AQP3: variants seen among roughly 807,000 people sequenced by gnomAD.
The protein encoded by AQP3 is aquaporin 3 (Gill blood group).
AQP3 carries 15 observed loss-of-function variants against 30.3 expected under a neutral mutation model. The observed-to-expected ratio is 0.49, with a 90% confidence interval of 0.33 to 0.76. The LOEUF (loss-of-function observed/expected upper bound fraction) is 0.76, where lower values mean the gene tolerates loss of function less well. AQP3 is among the 30% of genes least tolerant of loss of function. The pLI, the probability that AQP3 is intolerant of heterozygous loss-of-function variation, is 0.02. For missense variants in AQP3, 272 were observed against 384.8 expected (o/e 0.71, Z 2.45); for synonymous variants, 153 against 163.2 (o/e 0.94, Z 0.47).
rs186112815 is a variant in AQP3, at chr9:33,443,572, A to G, written c.236-114T>C. On this transcript the variant is annotated intron_variant, in intron 2 of 5. Coordinates refer to ENST00000297991, the MANE Select transcript of AQP3 (RefSeq NM_004925.5). This position sits in a 1 kb window ranked among gnomAD's most constrained non-coding sequence, Gnocchi z 5.0. ...TCTTGCACAGGATGGCGGTTGGTCT[A>G]TGTAACAGGTCAGCTGATAATCTCT... 19 of 1,473,986 alleles carry G rather than the reference A, an allele frequency of 1.3e-5. No homozygotes were observed. The East Asian group carries it at 1.9e-4, about 15-fold the overall frequency. The allele number at this position is 1,473,986 out of a possible 1,614,324, so 91.3% of individuals were successfully genotyped here. A position where few individuals can be genotyped will look rare whatever the true frequency, so the allele number is the denominator to read the frequency against.
Position 33,441,803 on chromosome 9 carries a change from C to T in AQP3, c.*240G>A. On this transcript the variant is annotated 3_prime_UTR_variant, in exon 6 of 6. Coordinates refer to ENST00000297991, the MANE Select transcript of AQP3 (RefSeq NM_004925.5). ...CTGCCCATTCTCTTCCCTTGGGAGA[C>T]AAAAGGATGTATTGACCCAAATTCC... 1 of 627,260 alleles carries T rather than the reference C, an allele frequency of 1.6e-6. No homozygotes were observed. The allele number at this position is 627,260 out of a possible 1,614,324, so 38.9% of individuals were successfully genotyped here. A position where few individuals can be genotyped will look rare whatever the true frequency, so the allele number is the denominator to read the frequency against.
At position 33,445,719 on chromosome 9, in the gene AQP3, G is replaced by C. The variant is rs573656394; in HGVS notation, c.108+1704C>G. ...CTGCCCTGAGTTCTCGGCCAGCACC[G>C]CCCCCTGCCCTCACACCAGGTATCT... On this transcript the variant is annotated intron_variant, in intron 1 of 5. Coordinates refer to ENST00000297991, the MANE Select transcript of AQP3 (RefSeq NM_004925.5). Among the ~76,000 whole-genome samples, 147 of 152,022 alleles carry C rather than the reference G, an allele frequency of 9.7e-4. 1 individual carries two copies. Among genetic ancestry groups the C allele is most frequent in the Admixed American group, 1.6e-3 (24 of 15,264 alleles).
rs1826867131 is a variant in AQP3 at position 33,443,280 on chromosome 9, G to A, written c.373+41C>T. ...TGGTGCCAGCAGGTCCTGAACAGAGGGACGGGGGTAGTGGAGGAGGACAGG... is the reference window on the plus strand; with the variant it reads ...TGGTGCCAGCAGGTCCTGAACAGAGAGACGGGGGTAGTGGAGGAGGACAGG... On this transcript the variant is annotated intron_variant, in intron 3 of 5. Coordinates refer to ENST00000297991, the MANE Select transcript of AQP3 (RefSeq NM_004925.5). The surrounding 1 kb of genome is among the most constrained non-coding windows in gnomAD (Gnocchi z 5.0). 1.3e-6 allele frequency: 2 copies of A among 1,562,092 alleles called. No individual in the cohort carries two copies. The highest frequency in any genetic ancestry group is 1.7e-6 in the Non-Finnish European group (2 of 1,152,754).
chr9:33,443,317 T>G lies in AQP3; in HGVS notation c.373+4A>C, dbSNP rs1826868128. 6.3e-7 allele frequency: 1 copy of G among 1,577,278 alleles called. No homozygotes were observed. The highest frequency in any genetic ancestry group is 1.8e-5 in the Admixed American group (1 of 54,350). On this transcript the variant is annotated splice_donor_region_variant and intron_variant, in intron 3 of 5. Transcript: ENST00000297991. This position sits in a 1 kb window ranked among gnomAD's most constrained non-coding sequence, Gnocchi z 5.0. ...TGGAGGAGGACAGGGTGGGGAATGC[T>G]TACCATAATACAGCCCAAAAACTAT... is the stretch of plus-strand genomic sequence containing the variant.
intron 1 of AQP3, 132 bp downstream of exon 1, chr9:33,447,291 G>T: frequency 1.2e-6 from 1 of 805,644 alleles, no homozygotes; most frequent in Non-Finnish European, 2.1e-6. Context: ...ATCCTCCGCG[G>T]TTAAGCGTGG....
rs756412132 is a variant in AQP3, at chr9:33,443,842, G to A, written c.159C>T (p.His53=). 27 of 1,613,944 alleles carry A rather than the reference G, an allele frequency of 1.7e-5. No homozygotes were observed. The highest frequency in any genetic ancestry group is 6.6e-5 in the South Asian group (6 of 91,062). The change falls in exon 2 of 6, where the codon CAC becomes CAT. Residue 53 remains histidine, a synonymous_variant. Coordinates refer to ENST00000297991, the MANE Select transcript of AQP3 (RefSeq NM_004925.5). The surrounding 1 kb of genome is among the most constrained non-coding windows in gnomAD (Gnocchi z 5.0). The stretch of plus-strand genomic sequence containing the variant: ...CCAGGTTGATGGTGAGGAAACCACC[G>A]TGGGTGCCCCGGCTGAGCACAACCT... ...VAQVVLSRGT[H]GGFLTINLAF...
chr9:33,446,145 G>T (rs766529241), intron 1 of AQP3, among the ~76,000 whole-genome samples: 7 of 152,172 alleles, frequency 4.6e-5, no homozygotes, highest in Non-Finnish European at 1.0e-4. Context: ...TCAGGACTCC[G>T]ATAGGAGTGA....
In AQP3 at chr9:33,443,456, C is replaced by A. The variant is rs781532774; in HGVS notation, c.238G>T (p.Ala80Ser). The A allele has an allele frequency of 6.2e-7, 1 of 1,611,646 alleles. No homozygotes were observed. The highest frequency in any genetic ancestry group is 8.5e-7 in the Non-Finnish European group (1 of 1,179,104). ...AAGGTCACGGCAGGGTTCAGGTGGG[C>A]CCCTGGGCAGAGGGGACAAGGGACC... Reference protein sequence around the residue: ...GILIAGQVSGAHLNPAVTFAM... With the variant: ...GILIAGQVSGSHLNPAVTFAM... The change falls in exon 3 of 6, where the codon GCC becomes TCC. Residue 80 changes from alanine to serine, a missense_variant and splice_region_variant. This residue lies in a region of AQP3 where 170 missense variants were observed against 286.4 expected (regional missense o/e 0.59). Transcript: ENST00000297991. The surrounding 1 kb of genome is among the most constrained non-coding windows in gnomAD (Gnocchi z 5.0).
chr9:33,445,521 G>C (rs1826901911), intron 1 of AQP3, among the ~76,000 whole-genome samples: 2 of 152,182 alleles, frequency 1.3e-5, no homozygotes, highest in Non-Finnish European at 2.9e-5. Context: ...GGGGTGGTGG[G>C]AGACAGGCAC....
chr9:33,447,388 G>C, intron 1 of AQP3, 35 bp downstream of exon 1: 4 of 1,528,590 alleles, frequency 2.6e-6, no homozygotes, highest in Non-Finnish European at 3.6e-6. Flanking sequence ...GCAAGGGCTG[G>C]AGAGAGAAGG....
In AQP3 at chr9:33,442,366, G is replaced by A; in HGVS notation, c.645C>T (p.Asn215=). 1.2e-6 allele frequency: 2 copies of A among 1,612,292 alleles called. No individual in the cohort carries two copies. Among genetic ancestry groups the A allele is most frequent in the Non-Finnish European group, 1.7e-6 (2 of 1,179,444 alleles). The stretch of plus-strand genomic sequence containing the variant: ...GGCGGGGGCCAAAGTCCCGGGCAGG[G>A]TTGACGGCATAGCCGGAGTTGAAGC... ...SMGFNSGYAV[N]PARDFGPRLF... The change falls in exon 5 of 6, where the codon AAC becomes AAT. Residue 215 remains asparagine, a synonymous_variant. Coordinates refer to ENST00000297991, the MANE Select transcript of AQP3 (RefSeq NM_004925.5).
At chr9:33,447,021 G>A (rs1486077040) in intron 1 of AQP3, among the ~76,000 whole-genome samples, 2 of 152,168 alleles carry the variant, frequency 1.3e-5, no homozygotes, top group Admixed American at 6.5e-5. Flanking sequence ...CCTAATAATG[G>A]CTCATTTGCC....
intron 4 of AQP3, 80 bp from the exon 5 acceptor site, chr9:33,442,598 A>G (rs1234086668): frequency 4.2e-6 from 6 of 1,423,536 alleles, no homozygotes; most frequent in Non-Finnish European, 5.8e-6. Flanking sequence ...TCTTCCCTCT[A>G]GCTCTTAAAC....
chr9:33,442,752 C>A (rs1051737892), intron 4 of AQP3, 100 bp downstream of exon 4: 2 of 1,262,660 alleles, frequency 1.6e-6, no homozygotes, highest in Non-Finnish European at 2.3e-6. Flanking sequence ...TTGGAGAAAC[C>A]CTGCTACAGT....
Position 33,442,161 on chromosome 9 carries a change from G to A in AQP3, c.761C>T (p.Ser254Phe), listed in dbSNP as rs1262988887. 6 of 1,613,250 alleles carry A rather than the reference G, an allele frequency of 3.7e-6. No individual in the cohort carries two copies. Among genetic ancestry groups the A allele is most frequent in the African/African-American group, 1.3e-5 (1 of 74,922 alleles). The part of the protein sequence containing the change: ...WVPIVSPLLG[S>F]IAGVFVYQLM... ...CTGGTACACGAAGACACCCGCAATGGAGCCCAGGAGTGGGGACACGATGGG... is the reference window on the plus strand; with the variant it reads ...CTGGTACACGAAGACACCCGCAATGAAGCCCAGGAGTGGGGACACGATGGG... The change falls in exon 6 of 6, where the codon TCC becomes TTC. Residue 254 changes from serine (S) to phenylalanine (F), a missense_variant. Physicochemically the swap from Ser to Phe is radical, Grantham distance 155. Around this residue, in one of 3 missense-constraint regions of AQP3, gnomAD observed 51 missense variants for 51.8 expected, o/e 0.98. Coordinates refer to ENST00000297991, the MANE Select transcript of AQP3 (RefSeq NM_004925.5).
Position 33,441,969 on chromosome 9 carries a change from T to G in AQP3, c.*74A>C. 1 of 1,579,328 alleles carries G rather than the reference T, an allele frequency of 6.3e-7. No homozygotes were observed. The highest frequency in any genetic ancestry group is 1.2e-5 in the South Asian group (1 of 86,822). On this transcript the variant is annotated 3_prime_UTR_variant, in exon 6 of 6. Coordinates refer to ENST00000297991, the MANE Select transcript of AQP3 (RefSeq NM_004925.5). ...AAGGGTGGATCGTGAAGGGGGCTTC[T>G]TGGGAGTGGCCCTTGGACAGTCAGT...
chr9:33,443,899 G>A lies in AQP3; in HGVS notation c.109-7C>T. On this transcript the variant is annotated splice_polypyrimidine_tract_variant and splice_region_variant and intron_variant, in intron 1 of 5. Coordinates refer to ENST00000297991, the MANE Select transcript of AQP3 (RefSeq NM_004925.5). This position sits in a 1 kb window ranked among gnomAD's most constrained non-coding sequence, Gnocchi z 5.0. Reference sequence around the variant, plus strand: ...CGGAGCCACAGCCAAACATCTGTCAGGAAGAAGAACAGGCAGGGAGGGTGA... The same window carrying A: ...CGGAGCCACAGCCAAACATCTGTCAAGAAGAAGAACAGGCAGGGAGGGTGA... 6.2e-7 allele frequency: 1 copy of A among 1,613,200 alleles called. No individual in the cohort carries two copies. The highest frequency in any genetic ancestry group is 8.5e-7 in the Non-Finnish European group (1 of 1,179,492).
At chr9:33,446,937 C>T (rs930239171) in intron 1 of AQP3, among the ~76,000 whole-genome samples, 1 of 152,214 alleles carries the variant, frequency 6.6e-6, no homozygotes, top group South Asian at 2.1e-4. Context: ...GCAAACTGTC[C>T]TCACTCACTT....
At position 33,443,107 on chromosome 9, in the gene AQP3, G is replaced by A; in HGVS notation, c.374-137C>T. The A allele has an allele frequency of 1.9e-6, 2 of 1,055,558 alleles. No homozygotes were observed. The allele number at this position is 1,055,558 out of a possible 1,614,324, so 65.4% of individuals were successfully genotyped here. Reference sequence around the variant, plus strand: ...CTGTATTGCAGCAGGCAGAGGGGGTGGCGTGGGGTGGGGTGGAGGGCCTGA... The same window carrying A: ...CTGTATTGCAGCAGGCAGAGGGGGTAGCGTGGGGTGGGGTGGAGGGCCTGA... On this transcript the variant is annotated intron_variant, in intron 3 of 5. Coordinates refer to ENST00000297991, the MANE Select transcript of AQP3 (RefSeq NM_004925.5). This position sits in a 1 kb window ranked among gnomAD's most constrained non-coding sequence, Gnocchi z 5.0.
Sources: allele counts gnomAD v4.1 joint callset (sites outside exome capture counted in the v4.1 genomes callset), GRCh38; gene constraint gnomAD v4.1.1; regional missense constraint gnomAD v4.1.1; non-coding constraint Gnocchi (gnomAD v3.1); transcripts MANE v1.5; gene names NCBI Gene and HGNC (gene_info 2026-07-23, HGNC 2026-07-21).